The following SYNE1 variants were observed in gnomAD, a reference collection of about 807,000 sequenced individuals.
The protein encoded by SYNE1 is spectrin repeat containing nuclear envelope protein 1, also known as nesprin-1.
In SYNE1, 616 loss-of-function variants were observed where a neutral mutation model predicts 1,111.0. The observed-to-expected ratio is 0.55, with a 90% CI of 0.52 to 0.59. The LOEUF (loss-of-function observed/expected upper bound fraction) is 0.59, where lower values mean the gene tolerates loss of function less well. Ranked by LOEUF, SYNE1 falls within the 20% of genes least tolerant of loss-of-function variation. The pLI, the probability that SYNE1 is intolerant of heterozygous loss-of-function variation, is 0.00. For missense variants in SYNE1, 10,006 were observed against 10,417.0 expected (o/e 0.96, Z 1.72); for synonymous variants, 3,855 against 3,825.8 (o/e 1.01, Z -0.28).
rs1203670556 is a variant in SYNE1 at position 152,236,272 on chromosome 6, G to T, written c.20231C>A (p.Pro6744His). 1.1e-5 allele frequency: 18 copies of T among 1,613,684 alleles called. No homozygotes were observed. Among genetic ancestry groups the T allele is most frequent in the Non-Finnish European group, 1.4e-5 (17 of 1,179,868 alleles). ...ATCATCTAATACTTGATATAATTTG[G>T]GCTGGTATTCATTAAGGCTAGATTT... The part of the protein sequence containing the change: ...HLKSSLNEYQ[P>H]KLYQVLDDGK... Residue 6744 changes from proline (P) to histidine (H), a missense_variant, in exon 110 of 146, where the codon CCC becomes CAC. Pro to His is a moderately conservative substitution (Grantham distance 77). Transcript: ENST00000367255.
At position 152,143,651 on chromosome 6, in the gene SYNE1, G is replaced by A. The variant is rs148376885; in HGVS notation, c.25091C>T (p.Pro8364Leu). The A allele has an allele frequency of 2.3e-3, 3,662 of 1,614,120 alleles. 9 individuals carry two copies. The highest frequency in any genetic ancestry group is 2.7e-3 in the Non-Finnish European group (3,150 of 1,180,028). The part of the protein sequence containing the change: ...NIIRSKTPTG[P>L]ELDTSYKGYM... ...GCCTTTGTAGCTGGTGTCTAGCTCC[G>A]GCCCCGTGGGAGTTTTGCTGCGAAT... is the stretch of plus-strand genomic sequence containing the variant. Residue 8364 changes from proline (P) to leucine (L), a missense_variant, in exon 138 of 146, where the codon CCG becomes CTG. Physicochemically the swap from Pro to Leu is moderately conservative, Grantham distance 98. Around this residue, in one of 7 missense-constraint regions of SYNE1, gnomAD observed 761 missense variants for 795.5 expected, o/e 0.96. Coordinates refer to ENST00000367255, the MANE Select transcript of SYNE1 (RefSeq NM_182961.4).
chr6:152,391,411 G>A lies in SYNE1; in HGVS notation c.7870C>T (p.Gln2624Ter). 1 of 1,613,918 alleles carries A rather than the reference G, an allele frequency of 6.2e-7. No individual in the cohort carries two copies. Among genetic ancestry groups the A allele is most frequent in the Non-Finnish European group, 8.5e-7 (1 of 1,179,980 alleles). ...GCTTCCTCCAGGGCTTCGTGCTCCT[G>A]AAGGGCCACCTGGCAGCTCCGGAGT... The part of the protein sequence containing the change: ...EKLRSCQVAL[Q>*]EHEALEEALQ... Residue 2624 changes from glutamine to a stop codon, truncating the protein, a stop_gained, in exon 52 of 146, where the codon CAG becomes TAG. Transcript: ENST00000367255. LOFTEE classifies it high-confidence loss of function.
chr6:152,232,385 G>T, intron 112 of SYNE1, 120 bp from the exon 113 acceptor site: 1 of 1,067,144 alleles, frequency 9.4e-7, no homozygotes, highest in Non-Finnish European at 1.4e-6. Context: ...ACTCCTTAAT[G>T]ACATTTGGAG....
intron 64 of SYNE1, among the ~76,000 whole-genome samples, chr6:152,360,443 A>G (rs1047866506): frequency 2.6e-5 from 4 of 152,158 alleles, no homozygotes; most frequent in African/African-American, 9.7e-5. Context: ...TGCATGGACT[A>G]TATGTCTGCT....
intron 2 of SYNE1, among the ~76,000 whole-genome samples, chr6:152,631,533 A>C (rs1470388640): frequency 2.6e-5 from 4 of 152,180 alleles, no homozygotes; most frequent in African/African-American, 9.7e-5. Flanking sequence ...TCTAGCTATG[A>C]TTTTAAAGGA....
At chr6:152,350,404 CA>C in intron 71 of SYNE1, 69 bp from the exon 72 acceptor site, 1 of 1,607,814 alleles carries the variant, frequency 6.2e-7, no homozygotes. Context: ...TTTTGTATTA[CA>C]AAAACCCAGT....
Position 152,461,691 on chromosome 6 carries a change from G to C in SYNE1, c.2300C>G (p.Thr767Arg). 6.2e-7 allele frequency: 1 copy of C among 1,613,860 alleles called. No homozygotes were observed. The highest frequency in any genetic ancestry group is 8.5e-7 in the Non-Finnish European group (1 of 1,179,910). The change falls in exon 21 of 146, where the codon ACA (threonine) becomes AGA (arginine). Residue 767 changes from threonine to arginine, a missense_variant. Thr to Arg is a moderately conservative substitution (Grantham distance 71, BLOSUM62 -1). This residue lies in a region of SYNE1 where 1,971 missense variants were observed against 2,084.1 expected (regional missense o/e 0.95). Coordinates refer to ENST00000367255, the MANE Select transcript of SYNE1 (RefSeq NM_182961.4). ...TTTGGTAATGAGGTGTGCTGTCTTT[G>C]TAATTATCTTGTATTGGGCATCCAT... ...PVMDAQYKII[T>R]KTAHLITKES...
At chr6:152,350,144 C>A in intron 72 of SYNE1, 24 bp downstream of exon 72, 1 of 1,612,398 alleles carries the variant, frequency 6.2e-7, no homozygotes, top group East Asian at 2.2e-5. Flanking sequence ...ATCCCAAAGG[C>A]AGCCCTTTAA....
Position 152,149,551 on chromosome 6 carries a change from C to G in SYNE1, c.24568G>C (p.Asp8190His), listed in dbSNP as rs2060069969. ...TCCTGGCAGTACCGTCGGAGCTCAT[C>G]TAGTTCCTCCTCGATGATCGCTGCA... The part of the protein sequence containing the change: ...LDAAIIEEEL[D>H]ELRRYCQEVF... Residue 8190 changes from aspartate to histidine, a missense_variant, in exon 136 of 146, where the codon GAT becomes CAT. By Grantham distance (81) the Asp-to-His change is moderately conservative. Coordinates refer to ENST00000367255, the MANE Select transcript of SYNE1 (RefSeq NM_182961.4). The G allele has an allele frequency of 6.2e-7, 1 of 1,614,094 alleles. No individual in the cohort carries two copies. Among genetic ancestry groups the G allele is most frequent in the South Asian group, 1.1e-5 (1 of 91,090 alleles).
At chr6:152,147,657 G>A (rs1313325173) in intron 137 of SYNE1, 1 of 256,668 alleles carries the variant, frequency 3.9e-6, no homozygotes, top group Non-Finnish European at 7.6e-6. Flanking sequence ...TTTCTTTCCC[G>A]AAGTCTCTCC....
chr6:152,140,136 G>C lies in SYNE1; in HGVS notation c.25272C>G (p.Leu8424=). ...TAGVIDRWEL[L]QAQALSKELR... is the part of the protein sequence containing the mutation. The stretch of plus-strand genomic sequence containing the variant: ...ACTCCTTGCTCAATGCCTGGGCCTG[G>C]AGAAGCTCCCATCGGTCAATCACAC... The change falls in exon 140 of 146, where the codon CTC becomes CTG. Residue 8424 remains leucine, a synonymous_variant. Transcript: ENST00000367255. The C allele has an allele frequency of 6.2e-7, 1 of 1,614,180 alleles. No homozygotes were observed.
chr6:152,151,836 C>G, intron 134 of SYNE1, 123 bp downstream of exon 134: 8 of 1,485,448 alleles, frequency 5.4e-6, no homozygotes, highest in Non-Finnish European at 7.4e-6. Context: ...TATATCACTC[C>G]CCGGTTTACT....
chr6:152,352,155 C>G lies in SYNE1; in HGVS notation c.11452G>C (p.Ala3818Pro). Reference sequence around the variant, plus strand: ...TTGCATTTATCTGAGAATTCCTTTGCTAAATGAAGACCTTTTTCCAGCGTC... The same window carrying G: ...TTGCATTTATCTGAGAATTCCTTTGGTAAATGAAGACCTTTTTCCAGCGTC... ...HMTLEKGLHL[A>P]KEFSDKCKAL... The change falls in exon 70 of 146, where the codon GCA becomes CCA. Residue 3818 changes from alanine to proline, a missense_variant. Coordinates refer to ENST00000367255, the MANE Select transcript of SYNE1 (RefSeq NM_182961.4). 6.2e-7 allele frequency: 1 copy of G among 1,614,206 alleles called. No homozygotes were observed. Among genetic ancestry groups the G allele is most frequent in the South Asian group, 1.1e-5 (1 of 91,082 alleles).
chr6:152,340,856 A>G (rs2096520590), intron 74 of SYNE1, among the ~76,000 whole-genome samples: 3 of 152,174 alleles, frequency 2.0e-5, no homozygotes, highest in South Asian at 4.1e-4. Context: ...GTGTTAGGCT[A>G]CTGCAGGGAT....
intron 14 of SYNE1, among the ~76,000 whole-genome samples, chr6:152,473,707 C>G (rs1415560865): frequency 6.6e-6 from 1 of 152,006 alleles, no homozygotes; most frequent in Non-Finnish European, 1.5e-5. Context: ...TTCTCTACCT[C>G]CTTTACCACA....
intron 22 of SYNE1, chr6:152,456,612 T>TG (rs1350886165): frequency 2.8e-6 from 1 of 354,588 alleles, no homozygotes; most frequent in African/African-American, 2.1e-5. Flanking sequence ...CCGATGCACT[T>TG]GGGGAAGACT....
intron 123 of SYNE1, among the ~76,000 whole-genome samples, chr6:152,213,334 G>A (rs1354175222): frequency 6.6e-6 from 1 of 152,176 alleles, no homozygotes; most frequent in Non-Finnish European, 1.5e-5. Context: ...AACTTTGCCT[G>A]TCTCGAGTAA....
At chr6:152,372,507 A>G (rs1202550926) in intron 59 of SYNE1, among the ~76,000 whole-genome samples, 3 of 152,238 alleles carry the variant, frequency 2.0e-5, no homozygotes, top group Admixed American at 2.0e-4. Flanking sequence ...AGACGGAAAA[A>G]AAATAATTAT....
At chr6:152,197,470 G>C (rs965501489) in intron 127 of SYNE1, among the ~76,000 whole-genome samples, 3 of 152,154 alleles carry the variant, frequency 2.0e-5, no homozygotes, top group Non-Finnish European at 2.9e-5. Flanking sequence ...GGCAGCTATA[G>C]CCTCACAAAG....
Sources: allele counts gnomAD v4.1 joint callset (sites outside exome capture counted in the v4.1 genomes callset), GRCh38; gene constraint gnomAD v4.1.1; regional missense constraint gnomAD v4.1.1; transcripts MANE v1.5; gene names NCBI Gene and HGNC (gene_info 2026-07-23, HGNC 2026-07-21).